The following NBEA variants were observed in gnomAD, a reference collection of about 807,000 sequenced individuals.
The protein encoded by NBEA is lysosomal-trafficking regulator 2.
In NBEA, 44 loss-of-function variants were observed where a neutral mutation model predicts 343.4. The ratio of observed to expected loss-of-function variants is 0.13; its 90% CI spans 0.10 to 0.16. NBEA has a LOEUF of 0.16. NBEA is among the 10% of genes least tolerant of loss of function. NBEA has a pLI of 1.00. For missense variants in NBEA, 2,555 were observed against 3,631.3 expected (o/e 0.70, Z 7.62); for synonymous variants, 1,175 against 1,238.7 (o/e 0.95, Z 1.08).
intron 49 of NBEA, among the ~76,000 whole-genome samples, chr13:35,628,773 C>T (rs2083333096): frequency 6.6e-6 from 1 of 152,040 alleles, no homozygotes; most frequent in Non-Finnish European, 1.5e-5. Context: ...CAAAAATTAG[C>T]AGGGTGTGGT....
At chr13:35,220,422 A>G (rs1265023681) in intron 33 of NBEA, among the ~76,000 whole-genome samples, 1 of 152,116 alleles carries the variant, frequency 6.6e-6, no homozygotes, top group Non-Finnish European at 1.5e-5. Context: ...TTTAGTTCCT[A>G]TTTCTCTAAA....
At chr13:35,635,170 ATTCT>A (rs1456441398) in intron 49 of NBEA, among the ~76,000 whole-genome samples, 4 of 152,032 alleles carry the variant, frequency 2.6e-5, no homozygotes, top group Middle Eastern at 3.2e-3. Flanking sequence ...TCTTCCTTGA[ATTCT>A]TTCTATTATT....
chr13:35,502,294 A>T (rs2045191240), intron 41 of NBEA, among the ~76,000 whole-genome samples: 1 of 152,136 alleles, frequency 6.6e-6, no homozygotes, highest in African/African-American at 2.4e-5. Flanking sequence ...ATATGCTTCG[A>T]ACTCAACAAA....
intron 36 of NBEA, among the ~76,000 whole-genome samples, chr13:35,318,547 T>C (rs998462088): frequency 6.6e-6 from 1 of 152,198 alleles, no homozygotes; most frequent in Non-Finnish European, 1.5e-5. Context: ...ATCAGGGATA[T>C]TGGCCTGAAA....
At position 35,631,638 on chromosome 13, in the gene NBEA, T is replaced by TAAAAAAAAAAAAAAAAA. The variant is rs59333937; in HGVS notation, c.7617+3397_7617+3413dup. ...TGAATATCTATATATGTCTCCTTTG[T>TAAAAAAAAAAAAAAAAA]AAAAAAAAAAAAAAAAAAAAAAATT... is the stretch of plus-strand genomic sequence containing the variant. On this transcript the variant is annotated intron_variant, in intron 49 of 58. Coordinates refer to ENST00000379939, the MANE Select transcript of NBEA (RefSeq NM_001385012.1). Among the ~76,000 whole-genome samples the TAAAAAAAAAAAAAAAAA allele has an allele frequency of 5.9e-4, 75 of 126,434 alleles. 1 individual carries two copies. The highest frequency in any genetic ancestry group is 2.2e-3 in the African/African-American group (73 of 32,556). The allele number at this position is 126,434 out of a possible 152,430, so 82.9% of individuals were successfully genotyped here.
intron 1 of NBEA, among the ~76,000 whole-genome samples, chr13:35,007,557 T>C (rs1428818901): frequency 6.6e-6 from 1 of 152,182 alleles, no homozygotes; most frequent in East Asian, 1.9e-4. Flanking sequence ...AGTGGCGTGA[T>C]CTCACCTCAC....
At chr13:35,603,357 A>G (rs1291103034) in intron 47 of NBEA, among the ~76,000 whole-genome samples, 1 of 152,202 alleles carries the variant, frequency 6.6e-6, no homozygotes, top group African/African-American at 2.4e-5. Context: ...GCGTTTGCCC[A>G]GATTTTATTC....
intron 40 of NBEA, among the ~76,000 whole-genome samples, chr13:35,468,054 T>TC (rs2075464314): frequency 6.6e-6 from 1 of 151,648 alleles, no homozygotes; most frequent in Non-Finnish European, 1.5e-5. Context: ...TTAATAGCCA[T>TC]CGTTGCCTTT....
chr13:35,242,313 G>A (rs1229241193), intron 34 of NBEA, among the ~76,000 whole-genome samples: 1 of 151,844 alleles, frequency 6.6e-6, no homozygotes, highest in Non-Finnish European at 1.5e-5. Context: ...CAATTAGACA[G>A]AAGAAAGAAT....
chr13:34,995,692 G>A (rs1184441023), intron 1 of NBEA, among the ~76,000 whole-genome samples: 1 of 152,164 alleles, frequency 6.6e-6, no homozygotes, highest in Non-Finnish European at 1.5e-5. Context: ...GTTGACTGAA[G>A]CTCAGATGCT....
chr13:34,968,588 G>T (rs187226259), intron 1 of NBEA, among the ~76,000 whole-genome samples: 1 of 152,228 alleles, frequency 6.6e-6, no homozygotes, highest in Non-Finnish European at 1.5e-5. Context: ...AATGGCCAAT[G>T]GCCGTATAAT....
chr13:35,140,721 G>A (rs894201165), intron 17 of NBEA, among the ~76,000 whole-genome samples: 2 of 152,118 alleles, frequency 1.3e-5, no homozygotes, highest in Admixed American at 6.5e-5. Flanking sequence ...GAGACCTTTT[G>A]CAGATGAATG....
At chr13:35,502,511 C>CT (rs2076925294) in intron 41 of NBEA, among the ~76,000 whole-genome samples, 1 of 138,334 alleles carries the variant, frequency 7.2e-6, no homozygotes, top group Non-Finnish European at 1.6e-5. Flanking sequence ...TTTTTTTTTT[C>CT]TTTTCTTTCT....
intron 38 of NBEA, among the ~76,000 whole-genome samples, chr13:35,424,786 T>C (rs2044543319): frequency 6.6e-6 from 1 of 152,182 alleles, no homozygotes. Context: ...TCCTGGACTT[T>C]TTTTTCGTTG....
intron 38 of NBEA, among the ~76,000 whole-genome samples, chr13:35,362,211 A>C (rs1055006359): frequency 6.6e-6 from 1 of 151,982 alleles, no homozygotes; most frequent in African/African-American, 2.4e-5. Context: ...AATAAGTTAC[A>C]GCTCAGATTA....
At chr13:35,249,734 A>C (rs1208185402) in intron 34 of NBEA, among the ~76,000 whole-genome samples, 3 of 152,218 alleles carry the variant, frequency 2.0e-5, no homozygotes, top group Non-Finnish European at 2.9e-5. Context: ...TTTATAGCCA[A>C]AACAACTTAA....
chr13:34,956,042 T>C (rs1358834490), intron 1 of NBEA, among the ~76,000 whole-genome samples: 4 of 152,196 alleles, frequency 2.6e-5, no homozygotes, highest in East Asian at 1.9e-4. Flanking sequence ...TTGAAAGATA[T>C]ATTGTTATAC....
intron 43 of NBEA, 104 bp downstream of exon 43, chr13:35,551,136 C>T (rs1264326613): frequency 3.3e-6 from 2 of 609,936 alleles, no homozygotes; most frequent in Admixed American, 7.4e-5. Context: ...ATTTCAGAGA[C>T]CAAAGAATTT....
intron 6 of NBEA, 92 bp from the exon 7 acceptor site, chr13:35,055,918 T>C: frequency 9.8e-7 from 1 of 1,025,338 alleles, no homozygotes. Context: ...CCTGTCAGCA[T>C]ATTCTTGTAG....
Sources: allele counts gnomAD v4.1 joint callset (sites outside exome capture counted in the v4.1 genomes callset), GRCh38; gene constraint gnomAD v4.1.1; transcripts MANE v1.5; gene names NCBI Gene and HGNC (gene_info 2026-07-23, HGNC 2026-07-21).